KATNAL2: variants seen among roughly 807,000 people sequenced by gnomAD.
The protein encoded by KATNAL2 is katanin p60 ATPase-containing subunit A-like 2.
Under a neutral mutation model 76.3 loss-of-function variants are expected in KATNAL2, and 52 were observed. The observed-to-expected ratio is 0.68, with a 90% CI of 0.55 to 0.86. KATNAL2 has a LOEUF of 0.86. Ranked by LOEUF, KATNAL2 falls within the 40% of genes least tolerant of loss-of-function variation. KATNAL2 has a pLI of 0.00. For missense variants in KATNAL2, 660 were observed against 668.9 expected (o/e 0.99, Z 0.15); for synonymous variants, 243 against 244.2 (o/e 1.00, Z 0.05).
At chr18:47,052,834 T>G in intron 4 of KATNAL2, 46 bp from the exon 5 acceptor site, 1 of 1,452,832 alleles carries the variant, frequency 6.9e-7, no homozygotes, top group Non-Finnish European at 9.3e-7. Flanking sequence ...GCCATTATTC[T>G]TTTCACCTCA....
intron 3 of KATNAL2, among the ~76,000 whole-genome samples, chr18:46,952,463 G>T (rs552233719): frequency 7.0e-6 from 1 of 142,728 alleles, no homozygotes; most frequent in African/African-American, 2.6e-5. Context: ...GCAATGGTGC[G>T]ATGTCAGCTC....
chr18:47,034,323 G>A, intron 3 of KATNAL2: 1 of 1,612,746 alleles, frequency 6.2e-7, no homozygotes, highest in Non-Finnish European at 8.5e-7. Flanking sequence ...GCCTCTTCTT[G>A]TTCGAGTGAC....
chr18:47,031,848 C>G (rs1316218819), intron 3 of KATNAL2, among the ~76,000 whole-genome samples: 1 of 152,128 alleles, frequency 6.6e-6, no homozygotes, highest in Non-Finnish European at 1.5e-5. Flanking sequence ...TCTTGTCTTC[C>G]TGAAATGCAG....
At chr18:47,082,753 G>A (rs1296689210) in intron 15 of KATNAL2, among the ~76,000 whole-genome samples, 1 of 152,164 alleles carries the variant, frequency 6.6e-6, no homozygotes, top group East Asian at 1.9e-4. Flanking sequence ...GCAGTGTGGA[G>A]ACCACACTTT....
At chr18:47,031,726 A>C (rs1218759335) in intron 3 of KATNAL2, among the ~76,000 whole-genome samples, 1 of 152,050 alleles carries the variant, frequency 6.6e-6, no homozygotes, top group Non-Finnish European at 1.5e-5. Context: ...TGATCCACCC[A>C]CCTCGGCCTC....
rs187583521 is a variant in KATNAL2, at chr18:46,940,395, A to C, written c.-509-5662A>C. Among the ~76,000 whole-genome samples, 39 of 152,362 alleles carry C rather than the reference A, an allele frequency of 2.6e-4. No individual in the cohort carries two copies. The East Asian group carries it at 6.0e-3, about 23-fold the overall frequency. On this transcript the variant is annotated intron_variant, in intron 1 of 17. Coordinates refer to ENST00000683218, the MANE Select transcript of KATNAL2 (RefSeq NM_001387690.1). ...ATTCCAACAATCTTTGGCAGAGAGG[A>C]TATATACCAACACAGAATGTCTGTG...
At chr18:46,928,092 GTC>G in intron 1 of KATNAL2, among the ~76,000 whole-genome samples, 1 of 152,280 alleles carries the variant, frequency 6.6e-6, no homozygotes. Flanking sequence ...ACTCGTCAAA[GTC>G]ATTCTCCATC....
intron 6 of KATNAL2, among the ~76,000 whole-genome samples, chr18:47,056,665 T>C (rs2061479438): frequency 6.6e-6 from 1 of 152,232 alleles, no homozygotes; most frequent in Non-Finnish European, 1.5e-5. Context: ...TGCATTGCTT[T>C]GTACATTAGT....
At chr18:47,066,424 C>A (rs1001072856) in intron 10 of KATNAL2, among the ~76,000 whole-genome samples, 1 of 152,154 alleles carries the variant, frequency 6.6e-6, no homozygotes, top group African/African-American at 2.4e-5. Context: ...ACTGCACTTT[C>A]GCTCGGTTGT....
intron 3 of KATNAL2, among the ~76,000 whole-genome samples, chr18:46,961,777 C>A (rs1020305113): frequency 2.0e-5 from 3 of 152,108 alleles, no homozygotes; most frequent in African/African-American, 4.8e-5. Flanking sequence ...CAAGGCCAGT[C>A]TATTTTGATA....
intron 3 of KATNAL2, 109 bp downstream of exon 3, chr18:46,947,032 A>G: frequency 1.2e-6 from 1 of 823,362 alleles, no homozygotes; most frequent in Admixed American, 2.0e-5. Flanking sequence ...CCGCTACTAG[A>G]GAAGCGCAAA....
chr18:46,954,484 C>A (rs971048295), intron 3 of KATNAL2, among the ~76,000 whole-genome samples: 1 of 151,626 alleles, frequency 6.6e-6, no homozygotes, highest in East Asian at 1.9e-4. Flanking sequence ...GTGTGTGCCA[C>A]CATGCCAAGC....
At chr18:47,032,593 A>G in intron 3 of KATNAL2, 1 of 249,402 alleles carries the variant, frequency 4.0e-6, no homozygotes. Flanking sequence ...CATTTTATGT[A>G]TTCGGAGTTA....
At chr18:46,945,754 G>T (rs2059368078) in intron 1 of KATNAL2, among the ~76,000 whole-genome samples, 1 of 152,200 alleles carries the variant, frequency 6.6e-6, no homozygotes, top group Non-Finnish European at 1.5e-5. Context: ...GTACGTTGGT[G>T]CTGTAGATGT....
At chr18:46,922,046 A>G (rs1331535411) in intron 1 of KATNAL2, among the ~76,000 whole-genome samples, 1 of 151,974 alleles carries the variant, frequency 6.6e-6, no homozygotes, top group East Asian at 1.9e-4. Context: ...CTTAGACTTT[A>G]CCAAAACTAG....
At chr18:46,949,027 G>A (rs1262546533) in intron 3 of KATNAL2, among the ~76,000 whole-genome samples, 1 of 151,758 alleles carries the variant, frequency 6.6e-6, no homozygotes, top group Non-Finnish European at 1.5e-5. Flanking sequence ...CTTTCAAGTA[G>A]CGGGAACTAC....
intron 1 of KATNAL2, among the ~76,000 whole-genome samples, chr18:46,926,927 C>T (rs1408699966): frequency 6.6e-6 from 1 of 152,016 alleles, no homozygotes; most frequent in African/African-American, 2.4e-5. Context: ...TTTCTGTTTT[C>T]CATTTGCTTG....
intron 3 of KATNAL2, among the ~76,000 whole-genome samples, chr18:47,044,748 C>G (rs893950724): frequency 7.7e-6 from 1 of 129,990 alleles, no homozygotes; most frequent in African/African-American, 3.0e-5. Context: ...GCAACAAGAG[C>G]AAGATTCCTT....
chr18:47,061,319 G>A (rs901428256), intron 8 of KATNAL2, among the ~76,000 whole-genome samples: 18 of 152,176 alleles, frequency 1.2e-4, no homozygotes, highest in East Asian at 1.9e-4. Flanking sequence ...TACTCATGGC[G>A]GAAGGCAAGG....
Sources: allele counts gnomAD v4.1 joint callset (sites outside exome capture counted in the v4.1 genomes callset), GRCh38; gene constraint gnomAD v4.1.1; transcripts MANE v1.5; gene names NCBI Gene and HGNC (gene_info 2026-07-23, HGNC 2026-07-21).